The following CPQ variants were observed in gnomAD, a reference collection of about 807,000 sequenced individuals.
CPQ encodes Ser-Met dipeptidase.
A neutral mutation model predicts 45.7 loss-of-function variants in CPQ; 37 were observed. The ratio of observed to expected loss-of-function variants is 0.81; its 90% confidence interval spans 0.62 to 1.07. The LOEUF (loss-of-function observed/expected upper bound fraction) is 1.07. Ranked by LOEUF, CPQ falls within the 50% of genes least tolerant of loss-of-function variation. The probability of loss-of-function intolerance (pLI) is 0.00; values close to 1 mark genes in which losing one functional copy is unlikely to be tolerated. For synonymous variants in CPQ, 186 were observed against 205.8 expected (o/e 0.90, Z 0.82); for missense variants, 537 against 572.9 (o/e 0.94, Z 0.64).
intron 5 of CPQ, among the ~76,000 whole-genome samples, chr8:96,970,744 T>C (rs112803832): frequency 0.028 from 4,221 of 152,178 alleles, 132 homozygotes; most frequent in African/African-American, 0.079. Context: ...TTTGTATTTT[T>C]AGTAGAGACG....
rs575038454 is a variant in CPQ, at chr8:96,814,169, A to G, written c.434-20804A>G. Among the ~76,000 whole-genome samples, 4 of 152,190 alleles carry G rather than the reference A, an allele frequency of 2.6e-5. No homozygotes were observed. In the South Asian group the frequency reaches 8.3e-4, roughly 32 times the overall value. On this transcript the variant is annotated intron_variant, in intron 2 of 7. Transcript: ENST00000220763. ...TAAACAATAAATACAATTTCAATAAATTAGATTTTAATTTTTTTTTAATGA... is the reference window on the plus strand; with the variant it reads ...TAAACAATAAATACAATTTCAATAAGTTAGATTTTAATTTTTTTTTAATGA...
In CPQ at chr8:96,965,979, G is replaced by A. The variant is rs765761117; in HGVS notation, c.894G>A (p.Gln298=). The part of the protein sequence containing the change: ...SGHLDSWDVG[Q]GAMDDGGGAF... ...ATCTGGACAGCTGGGATGTTGGGCA[G>A]GGTGCCATGGATGATGGCGGTGGAG... Residue 298 remains glutamine, a synonymous_variant, in exon 5 of 8, where the codon CAG becomes CAA. Coordinates refer to ENST00000220763, the MANE Select transcript of CPQ (RefSeq NM_016134.4). 6.8e-6 allele frequency: 11 copies of A among 1,613,948 alleles called. No homozygotes were observed. In the South Asian group the frequency reaches 9.9e-5, roughly 14 times the overall value.
At chr8:96,977,055 A>T (rs1172995472) in intron 5 of CPQ, among the ~76,000 whole-genome samples, 5 of 152,238 alleles carry the variant, frequency 3.3e-5, no homozygotes, top group Non-Finnish European at 7.3e-5. Context: ...CAGCAGAGTT[A>T]ACAGATAACC....
chr8:97,106,672 G>A (rs1811410855), intron 7 of CPQ, among the ~76,000 whole-genome samples: 1 of 152,204 alleles, frequency 6.6e-6, no homozygotes, highest in Non-Finnish European at 1.5e-5. Context: ...CTAAGAAAGA[G>A]GTGAAGGCTA....
At chr8:96,763,311 A>G (rs1810428517) in intron 1 of CPQ, among the ~76,000 whole-genome samples, 1 of 152,096 alleles carries the variant, frequency 6.6e-6, no homozygotes. Flanking sequence ...CCATATGGAT[A>G]TTCAATTGTA....
intron 1 of CPQ, among the ~76,000 whole-genome samples, chr8:96,682,879 T>C (rs1809169839): frequency 1.3e-5 from 2 of 152,204 alleles, no homozygotes; most frequent in African/African-American, 4.8e-5. Context: ...AATTGGGTCA[T>C]GCTTTTTATC....
chr8:97,008,342 A>G (rs1453790146), intron 5 of CPQ, among the ~76,000 whole-genome samples: 1 of 152,244 alleles, frequency 6.6e-6, no homozygotes, highest in Non-Finnish European at 1.5e-5. Context: ...GTGTCAATTT[A>G]TGCCTGGACA....
chr8:96,970,633 G>C (rs944019790), intron 5 of CPQ, among the ~76,000 whole-genome samples: 2 of 150,536 alleles, frequency 1.3e-5, no homozygotes, highest in Non-Finnish European at 2.9e-5. Flanking sequence ...GTGCGATCTC[G>C]GCTCACTGCA....
intron 2 of CPQ, among the ~76,000 whole-genome samples, chr8:96,807,308 A>C (rs1811095454): frequency 6.6e-6 from 1 of 151,824 alleles, no homozygotes; most frequent in Non-Finnish European, 1.5e-5. Context: ...CAATCTCCTC[A>C]CTGCAAGCTC....
At chr8:96,710,931 C>T (rs541124218) in intron 1 of CPQ, among the ~76,000 whole-genome samples, 23 of 152,228 alleles carry the variant, frequency 1.5e-4, no homozygotes, top group African/African-American at 5.5e-4. Flanking sequence ...CTGTCTAGTG[C>T]TGTCAGTGGA....
In CPQ at chr8:96,925,977, C is replaced by T. The variant is rs183985142; in HGVS notation, c.850-39958C>T. On this transcript the variant is annotated intron_variant, in intron 4 of 7. Coordinates refer to ENST00000220763, the MANE Select transcript of CPQ (RefSeq NM_016134.4). ...TGCTGATATTACAGGCATGAGCCAC[C>T]GCGCCCGGCTGGCATCTGCATTTTT... is the stretch of plus-strand genomic sequence containing the variant. Among the ~76,000 whole-genome samples the T allele has an allele frequency of 8.5e-5, 13 of 152,302 alleles. No individual in the cohort carries two copies. The South Asian group carries it at 1.0e-3, about 12-fold the overall frequency.
intron 7 of CPQ, among the ~76,000 whole-genome samples, chr8:97,106,800 A>G (rs1468231870): frequency 2.0e-5 from 3 of 152,150 alleles, no homozygotes; most frequent in African/African-American, 7.2e-5. Flanking sequence ...GGGGATAAAG[A>G]GAGAGAATCA....
chr8:96,816,011 T>G (rs1563504088), intron 2 of CPQ, among the ~76,000 whole-genome samples: 1 of 152,136 alleles, frequency 6.6e-6, no homozygotes, highest in Non-Finnish European at 1.5e-5. Flanking sequence ...TGGTGGTTGC[T>G]GAAGGCTAGG....
At chr8:96,815,547 T>C (rs1371128481) in intron 2 of CPQ, among the ~76,000 whole-genome samples, 3 of 152,104 alleles carry the variant, frequency 2.0e-5, no homozygotes, top group African/African-American at 7.2e-5. Flanking sequence ...AAAGACAAGA[T>C]GAAGATACAG....
intron 4 of CPQ, among the ~76,000 whole-genome samples, chr8:96,965,494 C>T (rs2130361784): frequency 6.6e-6 from 1 of 151,580 alleles, no homozygotes; most frequent in South Asian, 2.1e-4. Context: ...CTCAGCCTCC[C>T]AAGTAGCTGG....
intron 2 of CPQ, among the ~76,000 whole-genome samples, chr8:96,788,621 C>T (rs1810807648): frequency 6.6e-6 from 1 of 151,954 alleles, no homozygotes. Flanking sequence ...TTATTCTCAT[C>T]TTACTTGGAG....
chr8:96,704,881 T>G (rs889776036), intron 1 of CPQ, among the ~76,000 whole-genome samples: 15 of 152,136 alleles, frequency 9.9e-5, no homozygotes, highest in Middle Eastern at 3.2e-3. Flanking sequence ...TTGGAGGTAT[T>G]AAGTAGACAA....
intron 1 of CPQ, among the ~76,000 whole-genome samples, chr8:96,777,554 A>G (rs1312570599): frequency 6.6e-6 from 1 of 151,578 alleles, no homozygotes; most frequent in Non-Finnish European, 1.5e-5. Flanking sequence ...ATAAGCCATT[A>G]CTTATTACCT....
chr8:96,744,453 G>C (rs1810147540), intron 1 of CPQ, among the ~76,000 whole-genome samples: 1 of 152,198 alleles, frequency 6.6e-6, no homozygotes, highest in South Asian at 2.1e-4. Context: ...CGGTCATGCT[G>C]GGAGCTGTAG....
Sources: gnomAD v4.1 joint callset for allele counts (sites outside exome capture counted in the v4.1 genomes callset) on GRCh38, gnomAD v4.1.1 for gene constraint, MANE v1.5 for transcripts, NCBI Gene and HGNC (gene_info 2026-07-23, HGNC 2026-07-21) for gene names.